The following KDM4C variants were observed in gnomAD, a reference collection of about 807,000 sequenced individuals.
KDM4C encodes lysine demethylase 4C.
KDM4C carries 81 observed loss-of-function variants against 129.3 expected under a neutral mutation model. The observed-to-expected ratio is 0.63, with a 90% CI of 0.52 to 0.75. KDM4C has a LOEUF of 0.75. Ranked by LOEUF, KDM4C falls within the 30% of genes least tolerant of loss-of-function variation. The pLI, the probability that KDM4C is intolerant of heterozygous loss-of-function variation, is 0.00. For synonymous variants in KDM4C, 573 were observed against 456.1 expected (o/e 1.26, Z -3.26); for missense variants, 1,457 against 1,304.0 (o/e 1.12, Z -1.81).
At chr9:7,122,794 C>G (rs865869933) in intron 18 of KDM4C, among the ~76,000 whole-genome samples, 25 of 152,020 alleles carry the variant, frequency 1.6e-4, no homozygotes, top group South Asian at 6.2e-4. Context: ...ACTGTTGGTT[C>G]ATTTCTGCTT....
In KDM4C at chr9:6,980,910, C is replaced by G. The variant is rs1440754218; in HGVS notation, c.922-15C>G. Reference sequence around the variant, plus strand: ...AGCGAAACGTTTAACACTCTCCAACCCGGTTGTGTTTCAGTGCACTTGCAG... The same window carrying G: ...AGCGAAACGTTTAACACTCTCCAACGCGGTTGTGTTTCAGTGCACTTGCAG... On this transcript the variant is annotated splice_polypyrimidine_tract_variant and intron_variant, in intron 8 of 21. Transcript: ENST00000381309. The G allele has an allele frequency of 1.2e-6, 2 of 1,612,586 alleles. No homozygotes were observed. Among genetic ancestry groups the G allele is most frequent in the East Asian group, 2.2e-5 (1 of 44,868 alleles).
intron 1 of KDM4C, among the ~76,000 whole-genome samples, chr9:6,763,036 G>A (rs147623579): frequency 8.6e-5 from 13 of 152,006 alleles, no homozygotes; most frequent in African/African-American, 2.9e-4. Flanking sequence ...CCGCTGGTGG[G>A]GGGGGATGGA....
At chr9:6,938,927 C>G (rs1825323869) in intron 8 of KDM4C, among the ~76,000 whole-genome samples, 1 of 152,022 alleles carries the variant, frequency 6.6e-6, no homozygotes, top group African/African-American at 2.4e-5. Flanking sequence ...AGACCTGTTA[C>G]TCAAAGCAAC....
chr9:6,834,878 C>T, intron 4 of KDM4C: 1 of 1,310,914 alleles, frequency 7.6e-7, no homozygotes, highest in Non-Finnish European at 1.1e-6. Context: ...CGTGCTGTCC[C>T]TGTACTTCTT....
chr9:6,837,988 A>G (rs1321825611), intron 4 of KDM4C, among the ~76,000 whole-genome samples: 2 of 152,138 alleles, frequency 1.3e-5, no homozygotes, highest in African/African-American at 4.8e-5. Flanking sequence ...TCTGTACTGT[A>G]CTATGTTAAT....
chr9:6,746,419 C>T (rs1302178229), intron 1 of KDM4C, among the ~76,000 whole-genome samples: 2 of 150,952 alleles, frequency 1.3e-5, no homozygotes, highest in African/African-American at 4.9e-5. Context: ...CAGGCGCTCG[C>T]CACAACGCCC....
intron 2 of KDM4C, among the ~76,000 whole-genome samples, chr9:6,800,457 T>C (rs1828720709): frequency 6.6e-6 from 1 of 152,036 alleles, no homozygotes; most frequent in African/African-American, 2.4e-5. Flanking sequence ...GAGGATTTCT[T>C]GAGCCTGAGA....
intron 1 of KDM4C, among the ~76,000 whole-genome samples, chr9:6,724,964 C>A (rs1387448224): frequency 2.6e-5 from 4 of 152,116 alleles, no homozygotes; most frequent in Admixed American, 6.6e-5. Flanking sequence ...GGCAGGACTG[C>A]ACTCCCTCCA....
At chr9:6,800,036 A>G (rs1016753528) in intron 2 of KDM4C, among the ~76,000 whole-genome samples, 3 of 151,798 alleles carry the variant, frequency 2.0e-5, no homozygotes, top group African/African-American at 7.3e-5. Context: ...CAGCCCTGGC[A>G]ACATAGCGAG....
Position 6,942,148 on chromosome 9 carries a change from G to C in KDM4C, c.922-38777G>C, listed in dbSNP as rs1826064034. 2.6e-5 allele frequency among the ~76,000 whole-genome samples: 4 copies of C among 152,164 alleles called. No homozygotes were observed. In the South Asian group the frequency reaches 8.3e-4, roughly 31 times the overall value. ...CGCATTGTGTTTGGGTGAAGTAGCA[G>C]AGCAATAACTTTAAGATAAAACTGG... On this transcript the variant is annotated intron_variant, in intron 8 of 21. Transcript: ENST00000381309.
chr9:7,095,831 T>C (rs1371200869), intron 17 of KDM4C, among the ~76,000 whole-genome samples: 1 of 152,180 alleles, frequency 6.6e-6, no homozygotes, highest in African/African-American at 2.4e-5. Flanking sequence ...AACCAAATAA[T>C]TCAGTAATTC....
intron 4 of KDM4C, among the ~76,000 whole-genome samples, chr9:6,817,763 C>CTTTTT (rs146833868): frequency 3.2e-4 from 34 of 105,084 alleles, no homozygotes; most frequent in African/African-American, 8.1e-4. Flanking sequence ...CAGGAATAAC[C>CTTTTT]TTTTTTTTTT....
At chr9:6,849,172 G>T (rs1056742312) in intron 4 of KDM4C, among the ~76,000 whole-genome samples, 1 of 152,172 alleles carries the variant, frequency 6.6e-6, no homozygotes, top group Admixed American at 6.5e-5. Context: ...GAGAGCACAT[G>T]CCGGATCATC....
rs143716730 is a variant in KDM4C, at chr9:6,972,240, G to GGT, written c.922-8670_922-8669dup. 5.0e-3 allele frequency among the ~76,000 whole-genome samples: 753 copies of GGT among 150,178 alleles called. 5 individuals are homozygous for GGT. The highest frequency in any genetic ancestry group is 0.02 in the Middle Eastern group (6 of 294). Reference sequence around the variant, plus strand: ...CCATTTCCTATTTTGTGAAAATAGGGGTGTGTGTGTGTGTGTATATATATA... The same window carrying GGT: ...CCATTTCCTATTTTGTGAAAATAGGGGTGTGTGTGTGTGTGTGTATATATATA... On this transcript the variant is annotated intron_variant, in intron 8 of 21. Coordinates refer to ENST00000381309, the MANE Select transcript of KDM4C (RefSeq NM_015061.6).
At chr9:6,960,688 A>G (rs1829887866) in intron 8 of KDM4C, among the ~76,000 whole-genome samples, 1 of 152,246 alleles carries the variant, frequency 6.6e-6, no homozygotes, top group Non-Finnish European at 1.5e-5. Flanking sequence ...GTACATGTGT[A>G]TCCATTTGTC....
At chr9:7,079,074 T>C (rs986998697) in intron 17 of KDM4C, among the ~76,000 whole-genome samples, 3 of 152,196 alleles carry the variant, frequency 2.0e-5, no homozygotes, top group Non-Finnish European at 2.9e-5. Flanking sequence ...ACATTTTTGG[T>C]ACAGTGAGCC....
At chr9:6,946,942 C>T (rs1827080899) in intron 8 of KDM4C, among the ~76,000 whole-genome samples, 1 of 152,012 alleles carries the variant, frequency 6.6e-6, no homozygotes, top group African/African-American at 2.4e-5. Context: ...TCATTTGCTT[C>T]TTGGCCAGAT....
chr9:6,883,257 G>T (rs1844751942), intron 6 of KDM4C, among the ~76,000 whole-genome samples: 1 of 152,138 alleles, frequency 6.6e-6, no homozygotes, highest in Non-Finnish European at 1.5e-5. Context: ...ATATTGAAAT[G>T]TCTAGTTTTG....
chr9:6,842,169 C>A (rs1280142275), intron 4 of KDM4C, among the ~76,000 whole-genome samples: 1 of 152,146 alleles, frequency 6.6e-6, no homozygotes, highest in Non-Finnish European at 1.5e-5. Context: ...AGCTCACAAC[C>A]ACTAACTTCA....
Sources: allele counts gnomAD v4.1 joint callset (sites outside exome capture counted in the v4.1 genomes callset), GRCh38; gene constraint gnomAD v4.1.1; transcripts MANE v1.5; gene names NCBI Gene and HGNC (gene_info 2026-07-23, HGNC 2026-07-21).